The following SHANK2 variants were observed in gnomAD, a reference collection of about 807,000 sequenced individuals.
SHANK2 encodes SH3 and multiple ankyrin repeat domains 2.
SHANK2 carries 43 observed loss-of-function variants against 133.7 expected under a neutral mutation model. The ratio of observed to expected loss-of-function variants is 0.32; its 90% CI spans 0.25 to 0.41. SHANK2 has a LOEUF of 0.41. Among genes scored for constraint, SHANK2 ranks in the 10% least tolerant of loss-of-function variants. SHANK2 has a pLI of 1.00. For synonymous variants in SHANK2, 1,017 were observed against 952.8 expected (o/e 1.07, Z -1.24); for missense variants, 1,994 against 2,235.8 (o/e 0.89, Z 2.18).
chr11:70,728,154 G>C (rs1392214523), intron 14 of SHANK2, among the ~76,000 whole-genome samples: 1 of 152,162 alleles, frequency 6.6e-6, no homozygotes, highest in African/African-American at 2.4e-5. Context: ...TAGAAACCGA[G>C]CCATGGGGTT....
At chr11:71,215,466 G>C (rs539877636) in intron 2 of SHANK2, among the ~76,000 whole-genome samples, 21 of 152,318 alleles carry the variant, frequency 1.4e-4, no homozygotes, top group African/African-American at 4.8e-4. Flanking sequence ...GGCACCGAGG[G>C]AGCTTCAGAT....
chr11:70,650,115 G>A (rs1555009747), intron 17 of SHANK2, among the ~76,000 whole-genome samples: 2 of 152,212 alleles, frequency 1.3e-5, no homozygotes, highest in Non-Finnish European at 2.9e-5. Context: ...AGGGCAACCT[G>A]AGGGTGCCAA....
intron 14 of SHANK2, among the ~76,000 whole-genome samples, chr11:70,761,480 G>A (rs1946996860): frequency 6.6e-6 from 1 of 152,222 alleles, no homozygotes; most frequent in African/African-American, 2.4e-5. Flanking sequence ...CACAGAACGA[G>A]GCACCATGTC....
chr11:71,101,898 A>G (rs1452597330), intron 6 of SHANK2, among the ~76,000 whole-genome samples: 1 of 152,194 alleles, frequency 6.6e-6, no homozygotes, highest in East Asian at 1.9e-4. Flanking sequence ...CTGGTATGCA[A>G]TGAGTACACC....
At chr11:70,794,222 A>G (rs1052171782) in intron 14 of SHANK2, among the ~76,000 whole-genome samples, 1 of 148,944 alleles carries the variant, frequency 6.7e-6, no homozygotes, top group Non-Finnish European at 1.5e-5. Flanking sequence ...GGGAGTTTGC[A>G]GTGAGCTGAG....
At chr11:71,107,247 C>G (rs537661649) in intron 6 of SHANK2, among the ~76,000 whole-genome samples, 1 of 152,174 alleles carries the variant, frequency 6.6e-6, no homozygotes, top group African/African-American at 2.4e-5. Flanking sequence ...TAAGGAAGCA[C>G]GCAGGCATTC....
chr11:70,719,693 G>A (rs1946034318), intron 14 of SHANK2, among the ~76,000 whole-genome samples: 1 of 151,848 alleles, frequency 6.6e-6, no homozygotes, highest in Non-Finnish European at 1.5e-5. Flanking sequence ...TCAGTGGGAG[G>A]CAGAAGCTGC....
intron 13 of SHANK2, among the ~76,000 whole-genome samples, chr11:70,802,060 G>A (rs1555050662): frequency 1.3e-5 from 2 of 152,286 alleles, no homozygotes; most frequent in African/African-American, 2.4e-5. Flanking sequence ...GCTTTGAATG[G>A]TGGGTAGAGA....
intron 17 of SHANK2, among the ~76,000 whole-genome samples, chr11:70,539,237 C>G (rs559724418): frequency 6.6e-6 from 1 of 152,348 alleles, no homozygotes; most frequent in Admixed American, 6.5e-5. Context: ...GCCAGTGCCA[C>G]AGAGAGCAGG....
intron 2 of SHANK2, among the ~76,000 whole-genome samples, chr11:71,200,910 G>A (rs1954006609): frequency 6.6e-6 from 1 of 151,792 alleles, no homozygotes; most frequent in Admixed American, 6.6e-5. Context: ...AAAACCCTAT[G>A]TGTAAATAAA....
At chr11:71,231,562 A>C (rs1954742268) in intron 1 of SHANK2, among the ~76,000 whole-genome samples, 1 of 151,926 alleles carries the variant, frequency 6.6e-6, no homozygotes, top group Non-Finnish European at 1.5e-5. Flanking sequence ...CAAAAACCAC[A>C]CTCCTAGGCA....
chr11:71,181,187 C>T (rs181186108), intron 2 of SHANK2, among the ~76,000 whole-genome samples: 49 of 152,082 alleles, frequency 3.2e-4, no homozygotes, highest in Non-Finnish European at 6.9e-4. Flanking sequence ...ATTGCAGGTT[C>T]CTCCCGCTGA....
chr11:71,250,133 G>GA (rs1555125618), intron 1 of SHANK2, among the ~76,000 whole-genome samples: 1 of 151,772 alleles, frequency 6.6e-6, no homozygotes, highest in East Asian at 1.9e-4. Context: ...GGGGTGGGGG[G>GA]GAATCTAATT....
chr11:70,859,725 C>G (rs1555067431), intron 11 of SHANK2, among the ~76,000 whole-genome samples: 1 of 152,186 alleles, frequency 6.6e-6, no homozygotes, highest in Admixed American at 6.5e-5. Context: ...GTGGTTTGAC[C>G]TCCACGAAGT....
At chr11:70,880,091 C>T (rs895565486) in intron 11 of SHANK2, among the ~76,000 whole-genome samples, 14 of 152,334 alleles carry the variant, frequency 9.2e-5, no homozygotes, top group African/African-American at 1.7e-4. Context: ...CCAAGCTCCC[C>T]GGCTAGCCTT....
chr11:71,070,898 G>A (rs2135967092), intron 9 of SHANK2, among the ~76,000 whole-genome samples: 1 of 152,342 alleles, frequency 6.6e-6, no homozygotes, highest in African/African-American at 2.4e-5. Flanking sequence ...GCCCCAGCCA[G>A]CTTGGGACCC....
In SHANK2 at chr11:70,901,898, C is replaced by T. The variant is rs148960481; in HGVS notation, c.1108-5331G>A. Among the ~76,000 whole-genome samples the T allele has an allele frequency of 2.1e-4, 32 of 152,270 alleles. 1 individual carries two copies. The South Asian group carries it at 3.1e-3, about 15-fold the overall frequency. ...GGTCAGAGGTCAGCACAGAAGGCAT[C>T]GACTGGTAAGTCATGGGAGGAATCC... On this transcript the variant is annotated intron_variant, in intron 10 of 25. Transcript: ENST00000601538.
At chr11:70,941,857 TATA>T (rs1272463330) in intron 10 of SHANK2, among the ~76,000 whole-genome samples, 1 of 150,400 alleles carries the variant, frequency 6.6e-6, no homozygotes, top group African/African-American at 2.4e-5. Context: ...TAATATAATA[TATA>T]ATAATAATAA....
At chr11:71,221,803 C>T (rs1954546800) in intron 2 of SHANK2, among the ~76,000 whole-genome samples, 1 of 152,144 alleles carries the variant, frequency 6.6e-6, no homozygotes, top group South Asian at 2.1e-4. Context: ...CCCAGGATGT[C>T]TGCAGGTGCC....
Sources: allele counts gnomAD v4.1 joint callset (sites outside exome capture counted in the v4.1 genomes callset), GRCh38; gene constraint gnomAD v4.1.1; transcripts MANE v1.5; gene names NCBI Gene and HGNC (gene_info 2026-07-23, HGNC 2026-07-21).